Variants in SH2D4B observed in about 807,000 individuals in gnomAD.
SH2D4B encodes the protein SH2 domain-containing protein 4B.
SH2D4B carries 45 observed loss-of-function variants against 61.5 expected under a neutral mutation model. That is an observed-to-expected ratio of 0.73 (90% CI 0.58 to 0.94). The LOEUF (loss-of-function observed/expected upper bound fraction) is 0.94. SH2D4B is among the 40% of genes least tolerant of loss of function. The pLI is 0.00. For synonymous variants in SH2D4B, 224 were observed against 220.4 expected (o/e 1.02, Z -0.14); for missense variants, 572 against 574.2 (o/e 1.00, Z 0.04).
intron 6 of SH2D4B, among the ~76,000 whole-genome samples, chr10:80,628,726 A>G (rs760707093): frequency 3.3e-5 from 5 of 152,118 alleles, no homozygotes; most frequent in Non-Finnish European, 1.5e-5. Flanking sequence ...CCATTCTTGC[A>G]TTGCTATAAA....
At chr10:80,571,295 A>G (rs1410775854) in intron 2 of SH2D4B, 136 bp from the exon 3 acceptor site, 3 of 982,492 alleles carry the variant, frequency 3.1e-6, no homozygotes, top group Non-Finnish European at 4.4e-6. Flanking sequence ...GAGAATGCCT[A>G]TTTCTCCCTG....
intron 1 of SH2D4B, among the ~76,000 whole-genome samples, chr10:80,542,338 A>G (rs1841591471): frequency 6.6e-6 from 1 of 151,118 alleles, no homozygotes; most frequent in Non-Finnish European, 1.5e-5. Context: ...CACAGGACTG[A>G]GGACACATGT....
At chr10:80,637,556 G>A (rs1840205815) in intron 7 of SH2D4B, among the ~76,000 whole-genome samples, 1 of 152,082 alleles carries the variant, frequency 6.6e-6, no homozygotes, top group Non-Finnish European at 1.5e-5. Context: ...ATTATGAATG[G>A]GAGTTCACTC....
chr10:80,598,221 A>G (rs1440586575), intron 4 of SH2D4B, among the ~76,000 whole-genome samples: 1 of 152,144 alleles, frequency 6.6e-6, no homozygotes, highest in Non-Finnish European at 1.5e-5. Context: ...GGAGGGTGAA[A>G]TGAGAGAGAG....
intron 7 of SH2D4B, among the ~76,000 whole-genome samples, chr10:80,638,509 T>A (rs1840229949): frequency 6.6e-6 from 1 of 152,240 alleles, no homozygotes; most frequent in South Asian, 2.1e-4. Flanking sequence ...CCTGGTTTAG[T>A]CTTGGGAGGG....
In SH2D4B at chr10:80,609,376, T is replaced by C. The variant is rs763528562; in HGVS notation, c.861-48T>C. ...CCTCTGCCTTCCTCTCCCTCCGCTC[T>C]TTCTCCCTCCCTGACTCTTCTGCCC... On this transcript the variant is annotated intron_variant, in intron 5 of 7. Transcript: ENST00000646907. The C allele has an allele frequency of 8.0e-6, 12 of 1,494,814 alleles. No homozygotes were observed. In the Admixed American group the frequency reaches 1.4e-4, roughly 18 times the overall value. 92.6% of individuals were successfully genotyped at this position (1,494,814 alleles called of 1,614,324 possible).
intron 4 of SH2D4B, among the ~76,000 whole-genome samples, chr10:80,591,873 A>T (rs925374611): frequency 6.6e-6 from 1 of 152,174 alleles, no homozygotes; most frequent in African/African-American, 2.4e-5. Context: ...ACCCATTAAT[A>T]CATTAATCCA....
At chr10:80,558,929 G>T (rs1219081654) in intron 1 of SH2D4B, among the ~76,000 whole-genome samples, 2 of 152,138 alleles carry the variant, frequency 1.3e-5, no homozygotes, top group Admixed American at 6.5e-5. Flanking sequence ...GGTCATGAAG[G>T]TCTAACCGGA....
intron 1 of SH2D4B, among the ~76,000 whole-genome samples, chr10:80,544,592 C>T (rs1453626522): frequency 2.0e-5 from 3 of 152,250 alleles, no homozygotes; most frequent in African/African-American, 4.8e-5. Flanking sequence ...TCTTGGCTTC[C>T]GTGTGTCCTC....
At chr10:80,622,046 A>C (rs1237574081) in intron 6 of SH2D4B, among the ~76,000 whole-genome samples, 1 of 152,096 alleles carries the variant, frequency 6.6e-6, no homozygotes, top group Non-Finnish European at 1.5e-5. Flanking sequence ...TCTTGTGGCC[A>C]CTTGGGGAGC....
chr10:80,587,468 G>A (rs933838372), intron 3 of SH2D4B, among the ~76,000 whole-genome samples: 5 of 152,028 alleles, frequency 3.3e-5, no homozygotes, highest in African/African-American at 9.7e-5. Context: ...TAGTAGAGAC[G>A]GGGTTTCTCC....
chr10:80,609,310 T>G, intron 5 of SH2D4B, 114 bp from the exon 6 acceptor site: 3 of 481,354 alleles, frequency 6.2e-6, no homozygotes, highest in African/African-American at 2.3e-5. Flanking sequence ...CCCCCCTTCC[T>G]CCTCCTCCTT....
At position 80,620,791 on chromosome 10, in the gene SH2D4B, C is replaced by G. The variant is rs1038641123; in HGVS notation, c.988+11240C>G. Among the ~76,000 whole-genome samples, 3 of 152,198 alleles carry G rather than the reference C, an allele frequency of 2.0e-5. No homozygotes were observed. In the South Asian group the frequency reaches 6.2e-4, roughly 31 times the overall value. ...TGAATGAGCTAGGGCTTATCAAGCTCTCAGCACAGTGGTTAACATAATGCC... is the reference window on the plus strand; with the variant it reads ...TGAATGAGCTAGGGCTTATCAAGCTGTCAGCACAGTGGTTAACATAATGCC... On this transcript the variant is annotated intron_variant, in intron 6 of 7. Coordinates refer to ENST00000646907, the MANE Select transcript of SH2D4B (RefSeq NM_001388272.1).
At chr10:80,575,984 T>C (rs974544383) in intron 3 of SH2D4B, among the ~76,000 whole-genome samples, 1 of 152,250 alleles carries the variant, frequency 6.6e-6, no homozygotes, top group African/African-American at 2.4e-5. Flanking sequence ...CAATTCTTTT[T>C]ATCTCTCTCC....
chr10:80,543,522 C>T (rs1841615211), intron 1 of SH2D4B, among the ~76,000 whole-genome samples: 2 of 152,226 alleles, frequency 1.3e-5, no homozygotes, highest in African/African-American at 4.8e-5. Flanking sequence ...CTGTGCCGCC[C>T]AAGCTTCCCC....
intron 1 of SH2D4B, among the ~76,000 whole-genome samples, chr10:80,553,416 A>G (rs1369481150): frequency 6.6e-6 from 1 of 152,230 alleles, no homozygotes; most frequent in Non-Finnish European, 1.5e-5. Context: ...GACTGACAGC[A>G]GGGTCTGGGC....
chr10:80,623,539 G>A (rs911795792), intron 6 of SH2D4B, among the ~76,000 whole-genome samples: 2 of 152,192 alleles, frequency 1.3e-5, no homozygotes, highest in East Asian at 1.9e-4. Context: ...AGCAAGGCTC[G>A]TGGGGATATC....
intron 3 of SH2D4B, among the ~76,000 whole-genome samples, chr10:80,572,589 T>A (rs1589340062): frequency 6.6e-6 from 1 of 152,034 alleles, no homozygotes; most frequent in Non-Finnish European, 1.5e-5. Context: ...ACATTGGCCT[T>A]GCCTTGCCTT....
At chr10:80,617,377 G>T (rs1354309793) in intron 6 of SH2D4B, among the ~76,000 whole-genome samples, 2 of 152,176 alleles carry the variant, frequency 1.3e-5, no homozygotes, top group African/African-American at 4.8e-5. Context: ...ATGCCATCTG[G>T]GTTCCCATAT....
Sources: gnomAD v4.1 joint callset for allele counts (sites outside exome capture counted in the v4.1 genomes callset) on GRCh38, gnomAD v4.1.1 for gene constraint, MANE v1.5 for transcripts, NCBI Gene and HGNC (gene_info 2026-07-23, HGNC 2026-07-21) for gene names.